The following MAP4 variants were observed in gnomAD, a reference collection of about 807,000 sequenced individuals.
MAP4 encodes the protein microtubule-associated protein 4.
MAP4 carries 76 observed loss-of-function variants against 170.2 expected under a neutral mutation model. That is an observed-to-expected ratio of 0.45 (90% CI 0.37 to 0.54). The LOEUF is 0.54. MAP4 is among the 20% of genes least tolerant of loss of function. The pLI is 0.00. For missense variants in MAP4, 2,506 were observed against 2,748.0 expected (o/e 0.91, Z 1.97); for synonymous variants, 909 against 994.5 (o/e 0.91, Z 1.62).
At chr3:47,931,145 CAAG>C (rs1013971979) in intron 3 of MAP4, among the ~76,000 whole-genome samples, 77 of 151,986 alleles carry the variant, frequency 5.1e-4, no homozygotes, top group African/African-American at 1.8e-3. Flanking sequence ...GAAGCTGAGG[CAAG>C]AAGGTCACCT....
Position 47,916,067 on chromosome 3 carries a change from AC to A in MAP4, c.1759del (p.Val587PhefsTer15). The A allele has an allele frequency of 6.2e-7, 1 of 1,614,134 alleles. No individual in the cohort carries two copies. Among genetic ancestry groups the A allele is most frequent in the Non-Finnish European group, 8.5e-7 (1 of 1,180,026 alleles). On this transcript the variant is annotated frameshift_variant, in exon 7 of 21. Coordinates refer to ENST00000683076, the MANE Select transcript of MAP4 (RefSeq NM_001385682.1). LOFTEE classifies it high-confidence loss of function. ...TGCAATTTCCATGTCTTTAATTGGA[AC>A]TGGTGTTGCCTCTGTTTCTGAGAGT... The part of the protein sequence containing the change: ...PPLSETEATP[V>X]PIKDMEIAQT...
At chr3:48,008,324 C>A (rs1037081050) in intron 1 of MAP4, among the ~76,000 whole-genome samples, 2 of 152,224 alleles carry the variant, frequency 1.3e-5, no homozygotes, top group African/African-American at 4.8e-5. Context: ...GCCTGCTTCA[C>A]AGACGGTTCT....
At chr3:47,942,186 G>A (rs1455344154) in intron 3 of MAP4, among the ~76,000 whole-genome samples, 4 of 152,116 alleles carry the variant, frequency 2.6e-5, no homozygotes, top group Non-Finnish European at 5.9e-5. Context: ...GCTTAGCCAT[G>A]TGAGAAATGA....
intron 1 of MAP4, among the ~76,000 whole-genome samples, chr3:48,061,801 G>A (rs1488477459): frequency 6.7e-6 from 1 of 149,390 alleles, no homozygotes; most frequent in African/African-American, 2.5e-5. Flanking sequence ...GTGGGGGGCA[G>A]CCCCCACCCG....
rs770522523 is a variant in MAP4 at position 47,852,933 on chromosome 3, C to T, written c.*1G>A. ...TTGCCCGGAACGTCAGCCTGTAGGTCTCAATCTGCAGTGACATGGGAGGAG... is the reference window on the plus strand; with the variant it reads ...TTGCCCGGAACGTCAGCCTGTAGGTTTCAATCTGCAGTGACATGGGAGGAG... On this transcript the variant is annotated 3_prime_UTR_variant, in exon 21 of 21. Transcript: ENST00000683076. The T allele has an allele frequency of 6.2e-7, 1 of 1,612,780 alleles. No individual in the cohort carries two copies. The highest frequency in any genetic ancestry group is 8.5e-7 in the Non-Finnish European group (1 of 1,179,258).
intron 17 of MAP4, among the ~76,000 whole-genome samples, chr3:47,858,587 G>GT (rs200947201): frequency 1.3e-4 from 6 of 47,654 alleles, no homozygotes; most frequent in African/African-American, 5.8e-4. Context: ...TGAGGGGGTG[G>GT]TGTGTGTGTG....
chr3:48,042,387 G>A (rs1393491958), intron 1 of MAP4, among the ~76,000 whole-genome samples: 2 of 152,150 alleles, frequency 1.3e-5, no homozygotes, highest in Non-Finnish European at 2.9e-5. Context: ...AACGGAGTTT[G>A]TTTTTTCCAC....
At chr3:47,905,934 C>CA (rs1476122032) in intron 9 of MAP4, among the ~76,000 whole-genome samples, 5 of 152,034 alleles carry the variant, frequency 3.3e-5, no homozygotes, top group African/African-American at 4.8e-5. Context: ...GTGGAGGTTG[C>CA]AGTGAGCCAA....
At chr3:47,991,097 T>C (rs1436154870) in intron 2 of MAP4, among the ~76,000 whole-genome samples, 2 of 152,196 alleles carry the variant, frequency 1.3e-5, no homozygotes, top group Admixed American at 6.5e-5. Flanking sequence ...CGGGGGGTTC[T>C]TGTGTTGCCA....
chr3:47,999,356 G>A (rs1157041441), intron 1 of MAP4, among the ~76,000 whole-genome samples: 1 of 151,718 alleles, frequency 6.6e-6, no homozygotes, highest in African/African-American at 2.4e-5. Context: ...GGATAGTCCT[G>A]TCAACCAAAC....
At chr3:47,969,271 G>T (rs2100077042) in intron 3 of MAP4, among the ~76,000 whole-genome samples, 1 of 152,154 alleles carries the variant, frequency 6.6e-6, no homozygotes, top group African/African-American at 2.4e-5. Flanking sequence ...AGCCAGACAT[G>T]GTGGTGGGAG....
At chr3:48,041,068 T>G (rs1357316059) in intron 1 of MAP4, among the ~76,000 whole-genome samples, 1 of 152,110 alleles carries the variant, frequency 6.6e-6, no homozygotes, top group Non-Finnish European at 1.5e-5. Flanking sequence ...AAGAAAACAA[T>G]TCTGCTTAAA....
chr3:47,961,676 G>A (rs1392546855), intron 3 of MAP4, among the ~76,000 whole-genome samples: 1 of 152,178 alleles, frequency 6.6e-6, no homozygotes, highest in Non-Finnish European at 1.5e-5. Flanking sequence ...TAGAGGGCAT[G>A]GAAGGAAAGG....
chr3:48,062,721 G>A (rs531539285), intron 1 of MAP4, among the ~76,000 whole-genome samples: 6 of 151,540 alleles, frequency 4.0e-5, no homozygotes, highest in African/African-American at 1.4e-4. Context: ...TTGGGAGTTC[G>A]AGACCAGCCT....
chr3:48,033,880 G>C (rs2100117448), intron 1 of MAP4, among the ~76,000 whole-genome samples: 1 of 152,144 alleles, frequency 6.6e-6, no homozygotes, highest in African/African-American at 2.4e-5. Flanking sequence ...TGGGATTACA[G>C]GTGTAAGCCA....
At chr3:48,032,902 C>T (rs187594446) in intron 1 of MAP4, among the ~76,000 whole-genome samples, 2 of 152,310 alleles carry the variant, frequency 1.3e-5, no homozygotes, top group Admixed American at 6.5e-5. Context: ...TAGAAGCTAA[C>T]TTACCCTTGT....
chr3:47,913,367 C>T (rs1486321968), intron 8 of MAP4, among the ~76,000 whole-genome samples: 1 of 152,152 alleles, frequency 6.6e-6, no homozygotes, highest in Non-Finnish European at 1.5e-5. Flanking sequence ...TCCTCTAAAT[C>T]CTAGCCTTTG....
Position 48,012,532 on chromosome 3 carries a change from G to C in MAP4, c.-20+3802C>G, listed in dbSNP as rs138198513. Among the ~76,000 whole-genome samples, 21 of 152,166 alleles carry C rather than the reference G, an allele frequency of 1.4e-4. No homozygotes were observed. In the East Asian group the frequency reaches 2.1e-3, roughly 15 times the overall value. ...CTACTCAAATCTTTTCCTCATTTAA[G>C]GCACAGGGTAAAAATACAGTCAAAA... is the stretch of plus-strand genomic sequence containing the variant. On this transcript the variant is annotated intron_variant, in intron 1 of 20. Coordinates refer to ENST00000683076, the MANE Select transcript of MAP4 (RefSeq NM_001385682.1).
intron 1 of MAP4, among the ~76,000 whole-genome samples, chr3:48,062,188 A>G (rs1238354686): frequency 2.0e-5 from 3 of 151,826 alleles, no homozygotes; most frequent in East Asian, 1.9e-4. Flanking sequence ...CTGTTGATCT[A>G]TGACCTTACC....
Sources: allele counts gnomAD v4.1 joint callset (sites outside exome capture counted in the v4.1 genomes callset), GRCh38; gene constraint gnomAD v4.1.1; transcripts MANE v1.5; gene names NCBI Gene and HGNC (gene_info 2026-07-23, HGNC 2026-07-21).